Variants in PPP1R27 observed in about 807,000 individuals in gnomAD.
PPP1R27 encodes the protein dysferlin interacting protein 1.
PPP1R27 carries 10 observed loss-of-function variants against 12.0 expected under a neutral mutation model. The observed-to-expected ratio is 0.84, with a 90% confidence interval of 0.52 to 1.42. The LOEUF is 1.42. PPP1R27 is among the 40% of genes most tolerant of loss of function. The pLI is 0.00. For missense variants in PPP1R27, 246 were observed against 215.3 expected (o/e 1.14, Z -0.89); for synonymous variants, 98 against 89.3 (o/e 1.10, Z -0.55).
Position 81,834,536 on chromosome 17 carries a change from A to G in PPP1R27, c.308T>C (p.Ile103Thr), listed in dbSNP as rs1567830524. 2.5e-6 allele frequency: 4 copies of G among 1,614,006 alleles called. No individual in the cohort carries two copies. Among genetic ancestry groups the G allele is most frequent in the African/African-American group, 2.7e-5 (2 of 74,930 alleles). Reference protein sequence around the residue: ...RDEAGWTPLHIACSDGYPDIA... With the variant: ...RDEAGWTPLHTACSDGYPDIA... The stretch of plus-strand genomic sequence containing the variant: ...GTCAGGGTACCCATCGCTGCAGGCA[A>G]TGTGCAGGGGTGTCCAGCCCGCCTC... The change falls in exon 2 of 3, where the codon ATT (isoleucine) becomes ACT (threonine). Residue 103 changes from isoleucine (I) to threonine (T), a missense_variant. Transcript: ENST00000330261.
chr17:81,833,892 C>A (rs915900325), intron 2 of PPP1R27, 40 bp from the exon 3 acceptor site: 1 of 1,583,704 alleles, frequency 6.3e-7, no homozygotes, highest in Non-Finnish European at 8.6e-7. Context: ...CGGGGAGGAG[C>A]CAGGAGAGTG....
At chr17:81,834,015 G>A (rs1010447893) in intron 2 of PPP1R27, 163 bp from the exon 3 acceptor site, 15 of 726,586 alleles carry the variant, frequency 2.1e-5, no homozygotes, top group Non-Finnish European at 3.3e-5. Flanking sequence ...CCCTTTGGAA[G>A]CTGTGGCCAG....
At position 81,833,587 on chromosome 17, in the gene PPP1R27, G is replaced by A. The variant is rs912507043; in HGVS notation, c.*142C>T. 4.9e-6 allele frequency: 4 copies of A among 814,308 alleles called. No homozygotes were observed. In the Admixed American group the frequency reaches 1.2e-4, roughly 25 times the overall value. The allele number at this position is 814,308 out of a possible 1,614,324, so 50.4% of individuals were successfully genotyped here. On this transcript the variant is annotated 3_prime_UTR_variant, in exon 3 of 3. Coordinates refer to ENST00000330261, the MANE Select transcript of PPP1R27 (RefSeq NM_001007533.4). ...AAAAATTCACCTGGGGACAAAGCCA[G>A]GCCTAGGAGGGGTGGCGGGGTCGTG...
Position 81,834,884 on chromosome 17 carries a change from G to C in PPP1R27, c.70C>G (p.Arg24Gly), listed in dbSNP as rs769210919. Reference sequence around the variant, plus strand: ...ACATCATTAGGGAAACGCACGCTGCGATCAGCCAGCATCCGCCGCCGCCGC... The same window carrying C: ...ACATCATTAGGGAAACGCACGCTGCCATCAGCCAGCATCCGCCGCCGCCGC... ...RQRRRRMLAD[R>G]SVRFPNDVLF... Residue 24 changes from arginine (R) to glycine (G), a missense_variant, in exon 1 of 3, where the codon CGC becomes GGC. Coordinates refer to ENST00000330261, the MANE Select transcript of PPP1R27 (RefSeq NM_001007533.4). 1 of 1,612,848 alleles carries C rather than the reference G, an allele frequency of 6.2e-7. No individual in the cohort carries two copies. Among genetic ancestry groups the C allele is most frequent in the Non-Finnish European group, 8.5e-7 (1 of 1,179,958 alleles).
chr17:81,833,647 G>A lies in PPP1R27; in HGVS notation c.*82C>T, dbSNP rs558616935. On this transcript the variant is annotated 3_prime_UTR_variant, in exon 3 of 3. Coordinates refer to ENST00000330261, the MANE Select transcript of PPP1R27 (RefSeq NM_001007533.4). The stretch of plus-strand genomic sequence containing the variant: ...GTCCGGCCGCCCCTGGCCCACGGGT[G>A]GGGCACGTGCTGGCCCATGGGCGAC... The A allele has an allele frequency of 8.3e-6, 12 of 1,451,620 alleles. No homozygotes were observed. In the East Asian group the frequency reaches 2.8e-4, roughly 33 times the overall value. The allele number at this position is 1,451,620 out of a possible 1,614,324, so 89.9% of individuals were successfully genotyped here.
rs756966730 is a variant in PPP1R27, at chr17:81,834,607, G to T, written c.237C>A (p.Cys79Ter). 1 of 1,614,196 alleles carries T rather than the reference G, an allele frequency of 6.2e-7. No individual in the cohort carries two copies. Among genetic ancestry groups the T allele is most frequent in the South Asian group, 1.1e-5 (1 of 91,080 alleles). ...HEAVLSGNLE[C>*]VKLLVKYGAD... ...CCCCGTATTTGACCAGCAGCTTCAC[G>T]CATTCCAGGTTTCCAGAGAGCACGG... Residue 79 changes from cysteine (C) to a stop codon, truncating the protein, a stop_gained, in exon 2 of 3, where the codon TGC becomes TGA. Coordinates refer to ENST00000330261, the MANE Select transcript of PPP1R27 (RefSeq NM_001007533.4). LOFTEE classifies it high-confidence loss of function.
In PPP1R27 at chr17:81,833,837, C is replaced by G. The variant is rs760539202; in HGVS notation, c.357G>C (p.Leu119=). 2 of 1,591,738 alleles carry G rather than the reference C, an allele frequency of 1.3e-6. No individual in the cohort carries two copies. Among genetic ancestry groups the G allele is most frequent in the African/African-American group, 2.7e-5 (2 of 74,534 alleles). ...CGTTGGTTGCATCCCTGTCCGCTCC[C>G]AGGGAGATAAGGTACCTGGGGTGTA... ...YPDIARYLIS[L]GADRDATNDD... is the part of the protein sequence containing the mutation. The change falls in exon 3 of 3, where the codon CTG becomes CTC. Residue 119 remains leucine, a synonymous_variant. Coordinates refer to ENST00000330261, the MANE Select transcript of PPP1R27 (RefSeq NM_001007533.4).
chr17:81,833,832 G>A lies in PPP1R27; in HGVS notation c.362C>T (p.Ala121Val). The A allele has an allele frequency of 6.3e-7, 1 of 1,589,372 alleles. No individual in the cohort carries two copies. Among genetic ancestry groups the A allele is most frequent in the Non-Finnish European group, 8.6e-7 (1 of 1,167,996 alleles). Reference protein sequence around the residue: ...DIARYLISLGADRDATNDDGD... With the variant: ...DIARYLISLGVDRDATNDDGD... ...ATCGTCGTTGGTTGCATCCCTGTCC[G>A]CTCCCAGGGAGATAAGGTACCTGGG... The change falls in exon 3 of 3, where the codon GCG becomes GTG. Residue 121 changes from alanine (A) to valine (V), a missense_variant. Physicochemically the swap from Ala to Val is moderately conservative, Grantham distance 64. Coordinates refer to ENST00000330261, the MANE Select transcript of PPP1R27 (RefSeq NM_001007533.4).
chr17:81,835,019 T>A lies in PPP1R27; in HGVS notation c.-66A>T. The A allele has an allele frequency of 2.8e-6, 4 of 1,441,846 alleles. No individual in the cohort carries two copies. Among genetic ancestry groups the A allele is most frequent in the Non-Finnish European group, 3.7e-6 (4 of 1,092,258 alleles). The allele number at this position is 1,441,846 out of a possible 1,614,324, so 89.3% of individuals were successfully genotyped here. On this transcript the variant is annotated 5_prime_UTR_variant, in exon 1 of 3. Transcript: ENST00000330261. ...GCACTGGGGTTAATAATGTATCCGG[T>A]CCCGACCAGATCAGCTTGAGGGCTC... is the stretch of plus-strand genomic sequence containing the variant.
At chr17:81,834,210 T>A (rs1232134030) in intron 2 of PPP1R27, 1 of 464,724 alleles carries the variant, frequency 2.2e-6, no homozygotes, top group Non-Finnish European at 3.8e-6. Context: ...TTCAAGTGAT[T>A]CTCCTGCCTC....
At position 81,834,757 on chromosome 17, in the gene PPP1R27, T is replaced by G; in HGVS notation, c.190+7A>C. On this transcript the variant is annotated splice_region_variant and intron_variant, in intron 1 of 2. Coordinates refer to ENST00000330261, the MANE Select transcript of PPP1R27 (RefSeq NM_001007533.4). ...GGCCCTGGCCAGCTCTTCCAGGCTT[T>G]GCTCACCTGAGGGGTGGATGGTGGC... 6.2e-7 allele frequency: 1 copy of G among 1,610,802 alleles called. No homozygotes were observed. Among genetic ancestry groups the G allele is most frequent in the African/African-American group, 1.3e-5 (1 of 75,032 alleles).
intron 2 of PPP1R27, 172 bp downstream of exon 2, chr17:81,834,331 A>G (rs2143283353): frequency 1.5e-6 from 1 of 673,426 alleles, no homozygotes. Context: ...TGATCCGCCC[A>G]CCTCGGCCTC....
Position 81,833,613 on chromosome 17 carries a change from G to T in PPP1R27, c.*116C>A. 9.0e-7 allele frequency: 1 copy of T among 1,114,846 alleles called. No individual in the cohort carries two copies. Among genetic ancestry groups the T allele is most frequent in the South Asian group, 1.6e-5 (1 of 62,004 alleles). The allele number at this position is 1,114,846 out of a possible 1,614,324, so 69.1% of individuals were successfully genotyped here. A position where few individuals can be genotyped will look rare whatever the true frequency, so the allele number is the denominator to read the frequency against. ...GCCTAGGAGGGGTGGCGGGGTCGTG[G>T]AGGGACGGGTCCGGCCGCCCCTGGC... is the stretch of plus-strand genomic sequence containing the variant. On this transcript the variant is annotated 3_prime_UTR_variant, in exon 3 of 3. Transcript: ENST00000330261.
chr17:81,834,579 C>T lies in PPP1R27; in HGVS notation c.265G>A (p.Asp89Asn). ...CCCGCCTCATCTCGCTGGTGAATGTCAGCCCCGTATTTGACCAGCAGCTTC... is the reference window on the plus strand; with the variant it reads ...CCCGCCTCATCTCGCTGGTGAATGTTAGCCCCGTATTTGACCAGCAGCTTC... The part of the protein sequence containing the change: ...CVKLLVKYGA[D>N]IHQRDEAGWT... The change falls in exon 2 of 3, where the codon GAC becomes AAC. Residue 89 changes from aspartate (D) to asparagine (N), a missense_variant. Coordinates refer to ENST00000330261, the MANE Select transcript of PPP1R27 (RefSeq NM_001007533.4). 6.2e-7 allele frequency: 1 copy of T among 1,614,220 alleles called. No individual in the cohort carries two copies. The highest frequency in any genetic ancestry group is 1.1e-5 in the South Asian group (1 of 91,090).
In PPP1R27 at chr17:81,834,834, C is replaced by G. The variant is rs1258760649; in HGVS notation, c.120G>C (p.Gln40His). The G allele has an allele frequency of 6.2e-7, 1 of 1,613,748 alleles. No homozygotes were observed. The highest frequency in any genetic ancestry group is 8.5e-7 in the Non-Finnish European group (1 of 1,179,970). Residue 40 changes from glutamine to histidine, a missense_variant, in exon 1 of 3, where the codon CAG (glutamine) becomes CAC (histidine). Coordinates refer to ENST00000330261, the MANE Select transcript of PPP1R27 (RefSeq NM_001007533.4). Reference sequence around the variant, plus strand: ...AGCGCCCCACCTGCTCCAGGTCACCCTGCCGGATGTGGTCCAAGAACAGGA... The same window carrying G: ...AGCGCCCCACCTGCTCCAGGTCACCGTGCCGGATGTGGTCCAAGAACAGGA... ...NDVLFLDHIR[Q>H]GDLEQVGRFI...
At chr17:81,833,901 T>G (rs1447165963) in intron 2 of PPP1R27, 49 bp from the exon 3 acceptor site, 2 of 1,575,260 alleles carry the variant, frequency 1.3e-6, no homozygotes, top group Non-Finnish European at 1.7e-6. Flanking sequence ...GCCAGGAGAG[T>G]GCTCGCCCCA....
Position 81,834,901 on chromosome 17 carries a change from C to T in PPP1R27, c.53G>A (p.Arg18Gln), listed in dbSNP as rs946851998. 8.1e-6 allele frequency: 13 copies of T among 1,612,086 alleles called. No individual in the cohort carries two copies. Among genetic ancestry groups the T allele is most frequent in the African/African-American group, 2.7e-5 (2 of 75,064 alleles). The change falls in exon 1 of 3, where the codon CGG (arginine) becomes CAG (glutamine). Residue 18 changes from arginine to glutamine, a missense_variant. Physicochemically the swap from Arg to Gln is conservative, Grantham distance 43. Transcript: ENST00000330261. The stretch of plus-strand genomic sequence containing the variant: ...CACGCTGCGATCAGCCAGCATCCGC[C>T]GCCGCCGCTGCCGTGGGCTGTAGCG... ...YARYSPRQRR[R>Q]RMLADRSVRF...
rs989033912 is a variant in PPP1R27 at position 81,833,493 on chromosome 17, C to G, written c.*236G>C. On this transcript the variant is annotated 3_prime_UTR_variant, in exon 3 of 3. Transcript: ENST00000330261. ...GTAATCAGGACACCACCACAGGGACCACGTGTGTAGACCCAGGCCCCCTCA... is the reference window on the plus strand; with the variant it reads ...GTAATCAGGACACCACCACAGGGACGACGTGTGTAGACCCAGGCCCCCTCA... 1.4e-5 allele frequency: 7 copies of G among 502,566 alleles called. No individual in the cohort carries two copies. The highest frequency in any genetic ancestry group is 2.1e-5 in the Non-Finnish European group (6 of 281,966). 31.1% of individuals were successfully genotyped at this position (502,566 alleles called of 1,614,324 possible).
Position 81,834,000 on chromosome 17 carries a change from CCT to C in PPP1R27, c.342-150_342-149del, listed in dbSNP as rs1598258272. 4.6e-6 allele frequency: 4 copies of C among 878,194 alleles called. No homozygotes were observed. The East Asian group carries it at 1.1e-4, about 24-fold the overall frequency. The allele number at this position is 878,194 out of a possible 1,614,324, so 54.4% of individuals were successfully genotyped here. A position where few individuals can be genotyped will look rare whatever the true frequency, so the allele number is the denominator to read the frequency against. Reference sequence around the variant, plus strand: ...TCCGGGTAGGGTGAGGAGGAAGAAACCTGACCCTTTGGAAGCTGTGGCCAGCT... The same window carrying C: ...TCCGGGTAGGGTGAGGAGGAAGAAACGACCCTTTGGAAGCTGTGGCCAGCT... On this transcript the variant is annotated intron_variant, in intron 2 of 2. Coordinates refer to ENST00000330261, the MANE Select transcript of PPP1R27 (RefSeq NM_001007533.4).
Sources: allele counts gnomAD v4.1 joint callset, GRCh38; gene constraint gnomAD v4.1.1; transcripts MANE v1.5; gene names NCBI Gene and HGNC (gene_info 2026-07-23, HGNC 2026-07-21).